The following PIEZO2 variants were observed in gnomAD, a reference collection of about 807,000 sequenced individuals.
The protein encoded by PIEZO2 is piezo-type mechanosensitive ion channel component 2.
Under a neutral mutation model 337.3 loss-of-function variants are expected in PIEZO2, and 172 were observed. The ratio of observed to expected loss-of-function variants is 0.51; its 90% CI spans 0.45 to 0.58. The LOEUF is 0.58. Among genes scored for constraint, PIEZO2 ranks in the 20% least tolerant of loss-of-function variants. The pLI, the probability that PIEZO2 is intolerant of heterozygous loss-of-function variation, is 0.00. For missense variants in PIEZO2, 3,028 were observed against 3,391.3 expected, an observed-to-expected ratio of 0.89 and a Z score of 2.66; for synonymous variants, 1,251 against 1,228.5, an observed-to-expected ratio of 1.02 and a Z score of -0.38.
chr18:10,984,846 G>C (rs533694368), intron 2 of PIEZO2, among the ~76,000 whole-genome samples: 25 of 152,154 alleles, frequency 1.6e-4, no homozygotes, highest in Non-Finnish European at 3.1e-4. Context: ...CAAGAGAAAA[G>C]CAACTTGTTA....
rs1478010163 is a variant in PIEZO2 at position 10,953,365 on chromosome 18, T to A, written c.286+26170A>T. Among the ~76,000 whole-genome samples, 1 of 152,116 alleles carries A rather than the reference T, an allele frequency of 6.6e-6. No individual in the cohort carries two copies. The highest frequency in any genetic ancestry group is 2.4e-5 in the African/African-American group (1 of 41,426). On this transcript the variant is annotated intron_variant, in intron 3 of 55. Transcript: ENST00000674853. The surrounding 1 kb of genome is among the most constrained non-coding windows in gnomAD (Gnocchi z 5.2). Reference sequence around the variant, plus strand: ...TTTTCTCCTATATTTTTTGCAAGAGTTTTATGGTTTCAATCTTTGCATTTA... The same window carrying A: ...TTTTCTCCTATATTTTTTGCAAGAGATTTATGGTTTCAATCTTTGCATTTA...
chr18:10,865,091 C>T lies in PIEZO2; in HGVS notation c.492+6162G>A, dbSNP rs542942721. Among the ~76,000 whole-genome samples the T allele has an allele frequency of 1.8e-4, 27 of 152,262 alleles. 1 individual carries two copies. Among genetic ancestry groups the T allele is most frequent in the Admixed American group, 1.4e-3 (21 of 15,290 alleles). On this transcript the variant is annotated intron_variant, in intron 5 of 55. Coordinates refer to ENST00000674853, the MANE Select transcript of PIEZO2 (RefSeq NM_001378183.1). Reference sequence around the variant, plus strand: ...AGAGACCCAGCAGGAAGAGAGCTTACCCTAGCCAAACACAGAGAGAAGGGC... The same window carrying T: ...AGAGACCCAGCAGGAAGAGAGCTTATCCTAGCCAAACACAGAGAGAAGGGC...
At chr18:10,683,096 T>G (rs1304922784) in intron 49 of PIEZO2, among the ~76,000 whole-genome samples, 2 of 152,232 alleles carry the variant, frequency 1.3e-5, no homozygotes, top group East Asian at 3.8e-4. Flanking sequence ...CCTTTCAGGG[T>G]TACCCCTCAG....
In PIEZO2 at chr18:10,675,235, G is replaced by C; in HGVS notation, c.8135C>G (p.Ser2712Ter). The C allele has an allele frequency of 6.4e-7, 1 of 1,556,246 alleles. No individual in the cohort carries two copies. Among genetic ancestry groups the C allele is most frequent in the Non-Finnish European group, 8.7e-7 (1 of 1,147,894 alleles). Residue 2712 changes from serine to a stop codon, truncating the protein, a stop_gained, in exon 54 of 56, where the codon TCA becomes TGA. Coordinates refer to ENST00000674853, the MANE Select transcript of PIEZO2 (RefSeq NM_001378183.1). LOFTEE classifies it high-confidence loss of function. ...YYVKAPSDSN[S>*]KPIKQLLSEN... ...AGATAAAAGTTGCTTTATAGGTTTTGAGTTAGAATCACTAGGTGCTTTCAC... is the reference window on the plus strand; with the variant it reads ...AGATAAAAGTTGCTTTATAGGTTTTCAGTTAGAATCACTAGGTGCTTTCAC...
At chr18:10,932,662 C>G (rs1182914436) in intron 3 of PIEZO2, among the ~76,000 whole-genome samples, 1 of 152,150 alleles carries the variant, frequency 6.6e-6, no homozygotes, top group Non-Finnish European at 1.5e-5. Context: ...GTGGCTCAAG[C>G]CTGTAATCCC....
chr18:10,731,483 T>C lies in PIEZO2; in HGVS notation c.4953A>G (p.Ala1651=), dbSNP rs1426093109. The C allele has an allele frequency of 2.6e-6, 4 of 1,534,584 alleles. No individual in the cohort carries two copies. Among genetic ancestry groups the C allele is most frequent in the Non-Finnish European group, 3.5e-6 (4 of 1,145,740 alleles). The change falls in exon 36 of 56, where the codon GCA becomes GCG. Residue 1651 remains alanine (A), a synonymous_variant. Transcript: ENST00000674853. ...TTTTCTCTTTGTGTCTTTGTCGGAGTGCTGTTTTAGGATCAGTAATCCAGG... is the reference window on the plus strand; with the variant it reads ...TTTTCTCTTTGTGTCTTTGTCGGAGCGCTGTTTTAGGATCAGTAATCCAGG... ...YQAWITDPKT[A]LRQRHKEKKR...
Position 10,846,608 on chromosome 18 carries a change from T to C in PIEZO2, c.917+8745A>G, listed in dbSNP as rs559647625. Among the ~76,000 whole-genome samples the C allele has an allele frequency of 6.6e-6, 1 of 152,204 alleles. No individual in the cohort carries two copies. Among genetic ancestry groups the C allele is most frequent in the African/African-American group, 2.4e-5 (1 of 41,516 alleles). ...CCCATCATGGCTCTGAAGAACTGGG[T>C]CCTAGTGAGTCAGACATATGCATGA... On this transcript the variant is annotated intron_variant, in intron 7 of 55. Coordinates refer to ENST00000674853, the MANE Select transcript of PIEZO2 (RefSeq NM_001378183.1). The surrounding 1 kb of genome is among the most constrained non-coding windows in gnomAD (Gnocchi z 4.1).
chr18:10,842,173 T>G (rs11874671), intron 7 of PIEZO2, among the ~76,000 whole-genome samples: 8,677 of 149,496 alleles, frequency 0.058, 358 homozygotes, highest in Non-Finnish European at 0.085. Context: ...AAAAAGTTGG[T>G]GTGCATTTTT....
intron 5 of PIEZO2, among the ~76,000 whole-genome samples, chr18:10,866,679 A>T (rs2042016556): frequency 6.6e-6 from 1 of 152,174 alleles, no homozygotes. Flanking sequence ...GTGGGCATCC[A>T]TGCTCTCACC....
chr18:10,924,029 A>G (rs1295639617), intron 3 of PIEZO2, among the ~76,000 whole-genome samples: 1 of 152,200 alleles, frequency 6.6e-6, no homozygotes, highest in Non-Finnish European at 1.5e-5. Context: ...CCAGTAATTG[A>G]AGGTTCTCAG....
intron 3 of PIEZO2, among the ~76,000 whole-genome samples, chr18:10,957,123 G>A (rs1341954087): frequency 6.6e-6 from 1 of 152,148 alleles, no homozygotes; most frequent in East Asian, 1.9e-4. Flanking sequence ...GGGAGGCCAG[G>A]TGCAGTGGCT....
At chr18:11,034,051 A>T (rs1448162510) in intron 2 of PIEZO2, among the ~76,000 whole-genome samples, 1 of 152,154 alleles carries the variant, frequency 6.6e-6, no homozygotes, top group African/African-American at 2.4e-5. Context: ...GGACTTCGTT[A>T]GTGGCCTCTT....
chr18:11,059,148 G>T (rs1253433729), intron 2 of PIEZO2, among the ~76,000 whole-genome samples: 1 of 152,158 alleles, frequency 6.6e-6, no homozygotes, highest in African/African-American at 2.4e-5. Context: ...TTCATATCCA[G>T]CCAAACTAAG....
chr18:10,979,152 T>A lies in PIEZO2; in HGVS notation c.286+383A>T, dbSNP rs2034565166. On this transcript the variant is annotated intron_variant, in intron 3 of 55. Transcript: ENST00000674853. This position sits in a 1 kb window ranked among gnomAD's most constrained non-coding sequence, Gnocchi z 4.0. ...GTCATAGTCATGTAATTTCATATAA[T>A]ATTATTCAACTTTTATATTCTATTC... Among the ~76,000 whole-genome samples the A allele has an allele frequency of 6.6e-6, 1 of 152,116 alleles. No homozygotes were observed. The highest frequency in any genetic ancestry group is 2.4e-5 in the African/African-American group (1 of 41,446).
chr18:10,891,591 A>G (rs967729546), intron 4 of PIEZO2, among the ~76,000 whole-genome samples: 1 of 152,182 alleles, frequency 6.6e-6, no homozygotes, highest in African/African-American at 2.4e-5. Flanking sequence ...ACTCACAGGA[A>G]TGGTCTCCCT....
intron 49 of PIEZO2, among the ~76,000 whole-genome samples, chr18:10,686,092 G>A (rs1398110189): frequency 1.3e-5 from 2 of 152,106 alleles, no homozygotes; most frequent in Admixed American, 1.3e-4. Context: ...TATCCTCTGG[G>A]CTTGCTTCTC....
chr18:11,001,279 A>G lies in PIEZO2; in HGVS notation c.161-21619T>C, dbSNP rs1171982355. Among the ~76,000 whole-genome samples the G allele has an allele frequency of 6.6e-6, 1 of 152,140 alleles. No homozygotes were observed. ...TATGGTGGATTTTTATGCATGGGTC[A>G]TCTGGCCACGATTTCCTCAGCAGCT... On this transcript the variant is annotated intron_variant, in intron 2 of 55. Coordinates refer to ENST00000674853, the MANE Select transcript of PIEZO2 (RefSeq NM_001378183.1). The surrounding 1 kb of genome is among the most constrained non-coding windows in gnomAD (Gnocchi z 5.3).
rs114220621 is a variant in PIEZO2 at position 10,815,672 on chromosome 18, G to A, written c.918-8398C>T. Among the ~76,000 whole-genome samples the A allele has an allele frequency of 1.4e-3, 212 of 152,284 alleles. No homozygotes were observed. The highest frequency in any genetic ancestry group is 4.4e-3 in the African/African-American group (183 of 41,560). On this transcript the variant is annotated intron_variant, in intron 7 of 55. Coordinates refer to ENST00000674853, the MANE Select transcript of PIEZO2 (RefSeq NM_001378183.1). This position sits in a 1 kb window ranked among gnomAD's most constrained non-coding sequence, Gnocchi z 4.1. Reference sequence around the variant, plus strand: ...ATACATCTTTTGTTTCCACAGCAACGTACCTAGATAATATTTGGGAGTGCT... The same window carrying A: ...ATACATCTTTTGTTTCCACAGCAACATACCTAGATAATATTTGGGAGTGCT...
chr18:10,670,420 G>A lies in PIEZO2; in HGVS notation c.*1107C>T, dbSNP rs898943714. ...TCATGCTACATTGTTATTTAATGAAGAGGTTGTATTACCAATAATAATAAT... is the reference window on the plus strand; with the variant it reads ...TCATGCTACATTGTTATTTAATGAAAAGGTTGTATTACCAATAATAATAAT... On this transcript the variant is annotated 3_prime_UTR_variant, in exon 56 of 56. Coordinates refer to ENST00000674853, the MANE Select transcript of PIEZO2 (RefSeq NM_001378183.1). The A allele has an allele frequency of 2.0e-5, 3 of 152,096 alleles. No individual in the cohort carries two copies. Among genetic ancestry groups the A allele is most frequent in the African/African-American group, 7.2e-5 (3 of 41,396 alleles). 9.4% of individuals were successfully genotyped at this position (152,096 alleles called of 1,614,324 possible).
Sources: gnomAD v4.1 joint callset for allele counts (sites outside exome capture counted in the v4.1 genomes callset) on GRCh38, gnomAD v4.1.1 for gene constraint, Gnocchi (gnomAD v3.1) non-coding constraint, MANE v1.5 for transcripts, NCBI Gene and HGNC (gene_info 2026-07-23, HGNC 2026-07-21) for gene names.